The following MTNAP1 variants were observed in gnomAD, a reference collection of about 807,000 sequenced individuals.
The protein encoded by MTNAP1 is mitochondrial nucleoid associated protein 1, also known as mitochondrial nucleoid-associated protein 1.
the MTNAP1 span, chr17:73,232,435 G>A: frequency 6.4e-6 from 7 of 1,094,782 alleles, no homozygotes; most frequent in South Asian, 1.1e-4. Context: ...GCTTCTGGGA[G>A]AAAGGACCTC....
At chr17:73,247,313 A>T in the MTNAP1 span, 1 of 1,614,156 alleles carries the variant, frequency 6.2e-7, no homozygotes, top group East Asian at 2.2e-5. Flanking sequence ...ACGACTGGGG[A>T]TTGCCGCTCT....
At chr17:73,236,554 C>T in the MTNAP1 span, 1 of 1,614,114 alleles carries the variant, frequency 6.2e-7, no homozygotes. Context: ...TTTGTTCATT[C>T]CGAGGGAGAC....
the MTNAP1 span, chr17:73,242,126 T>C: frequency 1.8e-6 from 1 of 570,026 alleles, no homozygotes; most frequent in African/African-American, 1.9e-5. Flanking sequence ...AAATCTTTAA[T>C]GCACCTGTTT....
the MTNAP1 span, chr17:73,245,112 AAC>A: frequency 1.3e-6 from 2 of 1,533,704 alleles, no homozygotes; most frequent in Non-Finnish European, 1.8e-6. Context: ...AAAAGATAGT[AAC>A]AGTCATTGGA....
the MTNAP1 span, chr17:73,247,280 C>G: frequency 6.2e-7 from 1 of 1,614,168 alleles, no homozygotes; most frequent in Non-Finnish European, 8.5e-7. Context: ...AGCACAGTAC[C>G]TCCATGCATT....
At chr17:73,245,101 C>A in the MTNAP1 span, 1 of 1,482,114 alleles carries the variant, frequency 6.7e-7, no homozygotes, top group Non-Finnish European at 9.4e-7. Flanking sequence ...TCTGTAGAGG[C>A]AAAAGATAGT....
the MTNAP1 span, among the ~76,000 whole-genome samples, chr17:73,237,163 G>A: frequency 1.9e-4 from 29 of 152,198 alleles, no homozygotes; most frequent in Admixed American, 6.5e-4. Flanking sequence ...TGGGTGTAGT[G>A]GCTCACACCT....
the MTNAP1 span, among the ~76,000 whole-genome samples, chr17:73,243,448 C>G: frequency 6.6e-6 from 1 of 152,068 alleles, no homozygotes; most frequent in African/African-American, 2.4e-5. Flanking sequence ...GCCACTGCAC[C>G]TGGCAGGCTC....
the MTNAP1 span, chr17:73,236,352 C>T: frequency 1.2e-6 from 2 of 1,613,996 alleles, no homozygotes; most frequent in African/African-American, 2.7e-5. Context: ...TAGGTAAAAT[C>T]CAAGTCATGG....
the MTNAP1 span, among the ~76,000 whole-genome samples, chr17:73,241,477 G>A: frequency 6.6e-6 from 1 of 152,126 alleles, no homozygotes. Flanking sequence ...CCTCTTTTCT[G>A]GTTCTGCTTA....
chr17:73,238,526 C>T, the MTNAP1 span, among the ~76,000 whole-genome samples: 4 of 152,254 alleles, frequency 2.6e-5, no homozygotes, highest in Non-Finnish European at 5.9e-5. Flanking sequence ...CCCAAAGCTA[C>T]ATTTTCTTTA....
At chr17:73,243,108 T>A in the MTNAP1 span, 1 of 750,544 alleles carries the variant, frequency 1.3e-6, no homozygotes, top group Non-Finnish European at 2.3e-6. Context: ...TTTTACAGCT[T>A]TACAGTATCT....
chr17:73,245,398 G>C, the MTNAP1 span: 38 of 1,224,424 alleles, frequency 3.1e-5, no homozygotes, highest in South Asian at 4.1e-4. Flanking sequence ...GTTCTGTCTG[G>C]ATGTTCTTGG....
At chr17:73,233,943 T>C in the MTNAP1 span, among the ~76,000 whole-genome samples, 1 of 152,140 alleles carries the variant, frequency 6.6e-6, no homozygotes, top group African/African-American at 2.4e-5. Flanking sequence ...AACAGTTTTG[T>C]TTTGAAGGAC....
chr17:73,239,490 T>C, the MTNAP1 span, among the ~76,000 whole-genome samples: 3 of 151,210 alleles, frequency 2.0e-5, no homozygotes, highest in Admixed American at 1.3e-4. Flanking sequence ...CACCCTCTTA[T>C]TCCTCTTGAG....
the MTNAP1 span, chr17:73,237,002 A>G: frequency 2.0e-6 from 3 of 1,534,882 alleles, no homozygotes; most frequent in African/African-American, 4.2e-5. Flanking sequence ...CAAGGTAAAC[A>G]AGCTTATTTT....
chr17:73,245,094 G>C, the MTNAP1 span: 1 of 1,411,736 alleles, frequency 7.1e-7, no homozygotes, highest in Non-Finnish European at 1.0e-6. Flanking sequence ...AGAATGATCT[G>C]TAGAGGCAAA....
the MTNAP1 span, chr17:73,235,683 G>A: frequency 1.9e-6 from 3 of 1,614,132 alleles, no homozygotes; most frequent in Non-Finnish European, 2.5e-6. Flanking sequence ...AAGCTAAAGG[G>A]AAAGAGTTAG....
the MTNAP1 span, chr17:73,236,360 T>G: frequency 6.2e-7 from 1 of 1,613,964 alleles, no homozygotes; most frequent in African/African-American, 1.3e-5. Context: ...ATCCAAGTCA[T>G]GGAGAAACAA....
Sources: allele counts gnomAD v4.1 joint callset (sites outside exome capture counted in the v4.1 genomes callset), GRCh38; gene constraint gnomAD v4.1.1; transcripts MANE v1.5; gene names NCBI Gene and HGNC (gene_info 2026-07-23, HGNC 2026-07-21).